VIPR1: variants seen among roughly 807,000 people sequenced by gnomAD.
The protein encoded by VIPR1 is vasoactive intestinal peptide receptor 1, also known as vasoactive intestinal polypeptide receptor 1.
VIPR1 carries 59 observed loss-of-function variants against 58.8 expected under a neutral mutation model. That is an observed-to-expected ratio of 1.00 (90% CI 0.81 to 1.25). The LOEUF (loss-of-function observed/expected upper bound fraction) is 1.25. VIPR1 is among the 50% of genes most tolerant of loss of function. The pLI is 0.00. For synonymous variants in VIPR1, 251 were observed against 242.1 expected, an observed-to-expected ratio of 1.04 and a Z score of -0.34; for missense variants, 626 against 602.7, an observed-to-expected ratio of 1.04 and a Z score of -0.40.
rs1392827491 is a variant in VIPR1 at position 42,494,333 on chromosome 3, T to C, written c.-245+4655T>C. Among the ~76,000 whole-genome samples the C allele has an allele frequency of 3.3e-5, 5 of 152,380 alleles. No individual in the cohort carries two copies. The South Asian group carries it at 1.0e-3, about 32-fold the overall frequency. On this transcript the variant is annotated intron_variant, in intron 1 of 13. Transcript: ENST00000433647. ...TTGCTTTGTTTTAATATCAGCATTA[T>C]GATACCTCGTAGAATATGTTGGAAA...
rs1701571128 is a variant in VIPR1, at chr3:42,531,800, C to T, written c.852-3C>T. On this transcript the variant is annotated splice_region_variant and splice_polypyrimidine_tract_variant and intron_variant, in intron 8 of 12. Coordinates refer to ENST00000325123, the MANE Select transcript of VIPR1 (RefSeq NM_004624.4). Reference sequence around the variant, plus strand: ...CTCTCATTCCTCCCCACGGTCTGCTCAGGTGCTGGGACACCATCAACTCCT... The same window carrying T: ...CTCTCATTCCTCCCCACGGTCTGCTTAGGTGCTGGGACACCATCAACTCCT... 6.2e-7 allele frequency: 1 copy of T among 1,614,142 alleles called. No individual in the cohort carries two copies. Among genetic ancestry groups the T allele is most frequent in the South Asian group, 1.1e-5 (1 of 91,076 alleles).
chr3:42,495,338 G>A (rs1187773428), intron 1 of VIPR1, among the ~76,000 whole-genome samples: 3 of 152,222 alleles, frequency 2.0e-5, no homozygotes, highest in Admixed American at 6.5e-5. Context: ...AGCCAGGATG[G>A]TTTCCATCTC....
chr3:42,530,619 T>C, intron 6 of VIPR1, 160 bp from the exon 7 acceptor site: 2 of 811,858 alleles, frequency 2.5e-6, no homozygotes, highest in Non-Finnish European at 3.7e-6. Flanking sequence ...TTAGGGAAAA[T>C]GGGAAAACCA....
intron 1 of VIPR1, chr3:42,509,665 C>T (rs1344863709): frequency 6.6e-6 from 1 of 152,240 alleles, no homozygotes; most frequent in Non-Finnish European, 1.5e-5. Context: ...GGCAGGAGTT[C>T]CTAAGCCCAG....
At chr3:42,527,891 A>G in intron 5 of VIPR1, 100 bp from the exon 6 acceptor site, 1 of 1,508,368 alleles carries the variant, frequency 6.6e-7, no homozygotes, top group East Asian at 2.3e-5. Context: ...TGGAGGACAC[A>G]TGCTCCCCTG....
chr3:42,532,238 C>T lies in VIPR1; in HGVS notation c.919-4C>T, dbSNP rs1701604586. On this transcript the variant is annotated splice_polypyrimidine_tract_variant and splice_region_variant and intron_variant, in intron 9 of 12. Transcript: ENST00000325123. The stretch of plus-strand genomic sequence containing the variant: ...CTGCCCGAACTCGGGTCCCCACCCA[C>T]TAGGTAAACTTCATCCTGTTTATTT... 1.2e-6 allele frequency: 2 copies of T among 1,614,058 alleles called. No homozygotes were observed. Among genetic ancestry groups the T allele is most frequent in the African/African-American group, 2.7e-5 (2 of 74,924 alleles).
At chr3:42,524,111 A>G (rs1417904901) in intron 3 of VIPR1, among the ~76,000 whole-genome samples, 1 of 152,202 alleles carries the variant, frequency 6.6e-6, no homozygotes, top group African/African-American at 2.4e-5. Context: ...CACCGCACCC[A>G]GCCCTTAACC....
chr3:42,503,292 G>A (rs886172215), intron 1 of VIPR1, among the ~76,000 whole-genome samples: 10 of 152,168 alleles, frequency 6.6e-5, no homozygotes, highest in Admixed American at 2.0e-4. Flanking sequence ...CAGGACTTGA[G>A]AAGGGGTTCT....
chr3:42,532,497 C>T (rs940436576), intron 10 of VIPR1, 164 bp downstream of exon 10: 1 of 710,988 alleles, frequency 1.4e-6, no homozygotes, highest in African/African-American at 1.7e-5. Context: ...ACCACCATCC[C>T]CTGCTCCAGC....
upstream of VIPR1, among the ~76,000 whole-genome samples, chr3:42,497,725 T>C (rs1699793361): frequency 6.6e-6 from 1 of 152,202 alleles, no homozygotes; most frequent in Admixed American, 6.5e-5. Flanking sequence ...AGTGAATAAC[T>C]CTCATGAGAT....
In VIPR1 at chr3:42,531,295, C is replaced by T; in HGVS notation, c.791-176C>T. The T allele has an allele frequency of 5.9e-6, 4 of 680,536 alleles. No homozygotes were observed. The South Asian group carries it at 7.2e-5, about 12-fold the overall frequency. The allele number at this position is 680,536 out of a possible 1,614,324, so 42.2% of individuals were successfully genotyped here. ...CCCTTCAGGCATACAGCTTCACCCCCTCAGTGGAGCATCCCTCCGTGGTGA... is the reference window on the plus strand; with the variant it reads ...CCCTTCAGGCATACAGCTTCACCCCTTCAGTGGAGCATCCCTCCGTGGTGA... On this transcript the variant is annotated intron_variant, in intron 7 of 12. Transcript: ENST00000325123.
At chr3:42,492,842 C>T (rs114959957) in intron 1 of VIPR1, among the ~76,000 whole-genome samples, 1 of 152,220 alleles carries the variant, frequency 6.6e-6, no homozygotes, top group Non-Finnish European at 1.5e-5. Context: ...CAGGAGGCTG[C>T]GCCCTGGACA....
intron 1 of VIPR1, among the ~76,000 whole-genome samples, chr3:42,504,902 C>CAAAAA (rs56310463): frequency 1.1e-4 from 6 of 52,940 alleles, no homozygotes; most frequent in African/African-American, 2.2e-4. Flanking sequence ...AAAAGGGAGG[C>CAAAAA]AAAAAAAAAA....
intron 10 of VIPR1, chr3:42,534,289 C>G (rs1015148600): frequency 6.6e-6 from 1 of 152,142 alleles, no homozygotes; most frequent in African/African-American, 2.4e-5. Flanking sequence ...GAACTTGGGT[C>G]CCCATCACCC....
intron 3 of VIPR1, among the ~76,000 whole-genome samples, chr3:42,524,263 C>G (rs1231076173): frequency 6.6e-6 from 1 of 152,194 alleles, no homozygotes; most frequent in African/African-American, 2.4e-5. Flanking sequence ...AGGGGCTGGG[C>G]TGAAGGCTCT....
Position 42,536,901 on chromosome 3 carries a change from A to G in VIPR1, c.*620A>G, listed in dbSNP as rs575379172. ...AGCACACCTATCTTAGTGGTTCCCCACCGAAGTGGACTGGCCCCTGGGTCA... is the reference window on the plus strand; with the variant it reads ...AGCACACCTATCTTAGTGGTTCCCCGCCGAAGTGGACTGGCCCCTGGGTCA... On this transcript the variant is annotated 3_prime_UTR_variant, in exon 13 of 13. Transcript: ENST00000325123. 5 of 152,168 alleles carry G rather than the reference A, an allele frequency of 3.3e-5. No homozygotes were observed. Among genetic ancestry groups the G allele is most frequent in the Non-Finnish European group, 5.9e-5 (4 of 68,038 alleles). The allele number at this position is 152,168 out of a possible 1,614,324, so 9.4% of individuals were successfully genotyped here.
chr3:42,505,355 T>A (rs1700070770), intron 1 of VIPR1, among the ~76,000 whole-genome samples: 3 of 152,360 alleles, frequency 2.0e-5, no homozygotes, highest in South Asian at 4.1e-4. Flanking sequence ...TCCCAGGGAC[T>A]GGGAGAGGCT....
At chr3:42,521,387 G>A (rs1282248017) in intron 3 of VIPR1, 1 of 152,186 alleles carries the variant, frequency 6.6e-6, no homozygotes, top group Admixed American at 6.5e-5. Context: ...AAATGGTGGA[G>A]AGAAATAAGA....
At chr3:42,507,362 T>A (rs1448540203) in intron 1 of VIPR1, 1 of 152,228 alleles carries the variant, frequency 6.6e-6, no homozygotes, top group Non-Finnish European at 1.5e-5. Context: ...GAGGACCCAG[T>A]CTTTTCGTGC....
Sources: gnomAD v4.1 joint callset for allele counts (sites outside exome capture counted in the v4.1 genomes callset) on GRCh38, gnomAD v4.1.1 for gene constraint, MANE v1.5 for transcripts, NCBI Gene and HGNC (gene_info 2026-07-23, HGNC 2026-07-21) for gene names.